PARVG: variants seen among roughly 807,000 people sequenced by gnomAD.
PARVG encodes the protein gamma-parvin.
In PARVG, 36 loss-of-function variants were observed where a neutral mutation model predicts 44.4. The observed-to-expected ratio is 0.81, with a 90% CI of 0.62 to 1.07. The LOEUF (loss-of-function observed/expected upper bound fraction) is 1.07, where lower values mean the gene tolerates loss of function less well. Ranked by LOEUF, PARVG falls within the 50% of genes least tolerant of loss-of-function variation. The pLI is 0.00. For synonymous variants in PARVG, 170 were observed against 174.1 expected (o/e 0.98, Z 0.19); for missense variants, 407 against 407.4 (o/e 1.00, Z 0.01).
intron 9 of PARVG, 163 bp from the exon 10 acceptor site, chr22:44,195,992 C>G: frequency 1.4e-6 from 1 of 698,988 alleles, no homozygotes; most frequent in Non-Finnish European, 2.4e-6. Flanking sequence ...GCCAGGAGAG[C>G]AGTGACTCAA....
chr22:44,180,865 G>A, upstream of PARVG: 2 of 974,752 alleles, frequency 2.1e-6, no homozygotes, highest in Non-Finnish European at 2.4e-6. Flanking sequence ...AGGGTAGATA[G>A]CTTCCCAGTC....
At chr22:44,205,950 G>C (rs2147243290) in intron 13 of PARVG, 121 bp downstream of exon 13, 1 of 1,204,260 alleles carries the variant, frequency 8.3e-7, no homozygotes, top group Middle Eastern at 2.6e-4. Flanking sequence ...CCTCTTGCCT[G>C]GCAGGGGTGG....
Position 44,183,388 on chromosome 22 carries a change from C to T in PARVG, c.59C>T (p.Ala20Val), listed in dbSNP as rs374921375. The part of the protein sequence containing the change: ...LQLPKGVEPP[A>V]EEELSKGGKK... ...CTCCCCAAGGGGGTGGAGCCCCCAG[C>T]GGAGGAGGAGCTCTCAAAAGGTGTG... Residue 20 changes from alanine (A) to valine (V), a missense_variant, in exon 3 of 14, where the codon GCG becomes GTG. Coordinates refer to ENST00000444313, the MANE Select transcript of PARVG (RefSeq NM_022141.7). 1.5e-4 allele frequency: 244 copies of T among 1,606,108 alleles called. 1 individual carries two copies. The highest frequency in any genetic ancestry group is 3.7e-4 in the Middle Eastern group (2 of 5,472).
chr22:44,193,891 T>C, intron 9 of PARVG, 68 bp downstream of exon 9: 1 of 1,575,602 alleles, frequency 6.3e-7, no homozygotes, highest in South Asian at 1.1e-5. Flanking sequence ...CAAGTCTTAA[T>C]GCAGGGTTAA....
chr22:44,176,988 A>G (rs1445252325), upstream of PARVG, among the ~76,000 whole-genome samples: 3 of 152,096 alleles, frequency 2.0e-5, no homozygotes, highest in African/African-American at 4.8e-5. Context: ...ACCCGTCCCC[A>G]TGATTCAGTT....
At chr22:44,189,441 C>T (rs1179880672) in intron 6 of PARVG, among the ~76,000 whole-genome samples, 187 bp downstream of exon 6, 1 of 152,220 alleles carries the variant, frequency 6.6e-6, no homozygotes, top group Non-Finnish European at 1.5e-5. Flanking sequence ...AGCCAACAGC[C>T]CAGCACACAT....
In PARVG at chr22:44,173,741, G is replaced by C. The variant is rs933033334; in HGVS notation, c.-189+550G>C. 2.0e-5 allele frequency among the ~76,000 whole-genome samples: 3 copies of C among 152,154 alleles called. No homozygotes were observed. The East Asian group carries it at 5.8e-4, about 29-fold the overall frequency. ...TCAGCCATTGTCAGCAGAGAGGGAG[G>C]TTCTGCCCCTTGGGGGATCTTTGGC... On this transcript the variant is annotated intron_variant, in intron 1 of 13. Transcript: ENST00000422871.
At position 44,207,542 on chromosome 22, in the gene PARVG, G is replaced by A. The variant is rs929803029; in HGVS notation, c.*1116G>A. The A allele has an allele frequency of 3.3e-5, 5 of 152,800 alleles. No individual in the cohort carries two copies. Among genetic ancestry groups the A allele is most frequent in the African/African-American group, 1.2e-4 (5 of 41,492 alleles). 9.5% of individuals were successfully genotyped at this position (152,800 alleles called of 1,614,324 possible). Reference sequence around the variant, plus strand: ...AGAAGGGCAACCACAGCCCCAGGCTGCTGCTCCTCCCTGGACCCTGAAGAG... The same window carrying A: ...AGAAGGGCAACCACAGCCCCAGGCTACTGCTCCTCCCTGGACCCTGAAGAG... On this transcript the variant is annotated 3_prime_UTR_variant, in exon 14 of 14. Transcript: ENST00000444313.
At chr22:44,186,010 G>A in intron 4 of PARVG, 138 bp downstream of exon 4, 2 of 621,772 alleles carry the variant, frequency 3.2e-6, no homozygotes, top group East Asian at 3.2e-5. Context: ...AAGACCCCTG[G>A]AAGGCCTGTT....
rs1056410847 is a variant in PARVG at position 44,180,953 on chromosome 22, T to C, written c.-421T>C. The C allele has an allele frequency of 7.1e-6, 7 of 985,186 alleles. No homozygotes were observed. Among genetic ancestry groups the C allele is most frequent in the African/African-American group, 1.7e-5 (1 of 57,182 alleles). The allele number at this position is 985,186 out of a possible 1,614,324, so 61.0% of individuals were successfully genotyped here. On this transcript the variant is annotated 5_prime_UTR_variant, in exon 1 of 14. Transcript: ENST00000444313. ...TTGAGAGACCAGCTCGGGTCTGAAG[T>C]GTTTCTCTATCTACTGTGCTGAGAT...
upstream of PARVG, among the ~76,000 whole-genome samples, chr22:44,176,336 G>T (rs2054318775): frequency 6.6e-6 from 1 of 152,204 alleles, no homozygotes; most frequent in Non-Finnish European, 1.5e-5. Flanking sequence ...TATGTAAATA[G>T]TTGTTACACT....
chr22:44,206,284 T>C (rs770163397), intron 13 of PARVG, 33 bp from the exon 14 acceptor site: 1 of 1,541,208 alleles, frequency 6.5e-7, no homozygotes, highest in South Asian at 1.1e-5. Flanking sequence ...CACCCAGGCC[T>C]GACTGGCTGC....
intron 11 of PARVG, 150 bp from the exon 12 acceptor site, chr22:44,198,471 G>A: frequency 6.0e-6 from 4 of 663,430 alleles, no homozygotes; most frequent in South Asian, 1.8e-5. Context: ...GCAACCCTGT[G>A]AGGTCAGGCA....
Position 44,196,430 on chromosome 22 carries a change from G to A in PARVG, c.711+15G>A, listed in dbSNP as rs376476566. On this transcript the variant is annotated intron_variant, in intron 11 of 13. Coordinates refer to ENST00000444313, the MANE Select transcript of PARVG (RefSeq NM_022141.7). ...TGGACACCCAGGTAGGGACTGAGCT[G>A]CGGCGTCCCCAGGCAGGGCAGGGCC... The A allele has an allele frequency of 2.4e-5, 38 of 1,613,860 alleles. No homozygotes were observed. Among genetic ancestry groups the A allele is most frequent in the Non-Finnish European group, 3.1e-5 (37 of 1,179,978 alleles).
rs146896744 is a variant in PARVG, at chr22:44,190,487, C to G, written c.389-64C>G. On this transcript the variant is annotated intron_variant, in intron 6 of 13. Coordinates refer to ENST00000444313, the MANE Select transcript of PARVG (RefSeq NM_022141.7). ...GATGGTTGTTCTGACAGTGAGGAAG[C>G]CTCCATTTGGCTGCACGTTTTGGCG... 5.6e-5 allele frequency: 68 copies of G among 1,219,284 alleles called. No individual in the cohort carries two copies. The African/African-American group carries it at 9.2e-4, about 17-fold the overall frequency. 75.5% of individuals were successfully genotyped at this position (1,219,284 alleles called of 1,614,324 possible).
At chr22:44,183,519 A>G (rs946383271) in intron 3 of PARVG, 111 bp downstream of exon 3, 17 of 1,032,336 alleles carry the variant, frequency 1.6e-5, no homozygotes, top group East Asian at 1.1e-4. Flanking sequence ...TGAGCGCCCA[A>G]TTCTGCTCAC....
At chr22:44,185,523 A>T (rs5764592) in intron 3 of PARVG, 1 of 305,448 alleles carries the variant, frequency 3.3e-6, no homozygotes, top group Non-Finnish European at 6.4e-6. Context: ...ACTTTACCTA[A>T]ATAGGTAGGG....
At chr22:44,200,972 C>T (rs928845833) in intron 12 of PARVG, among the ~76,000 whole-genome samples, 2 of 152,102 alleles carry the variant, frequency 1.3e-5, no homozygotes, top group Non-Finnish European at 2.9e-5. Flanking sequence ...TCCCCGACCA[C>T]GTCCCCTCCT....
At chr22:44,175,691 G>A (rs1422059553) in intron 1 of PARVG, among the ~76,000 whole-genome samples, 2 of 152,110 alleles carry the variant, frequency 1.3e-5, no homozygotes, top group Admixed American at 6.5e-5. Context: ...GTGTGGGGGG[G>A]TGGGGGTGTG....
Sources: allele counts gnomAD v4.1 joint callset (sites outside exome capture counted in the v4.1 genomes callset), GRCh38; gene constraint gnomAD v4.1.1; transcripts MANE v1.5; gene names NCBI Gene and HGNC (gene_info 2026-07-23, HGNC 2026-07-21).